Variants in DAB1 observed in about 807,000 individuals in gnomAD.
The protein encoded by DAB1 is DAB adaptor protein 1, also known as disabled homolog 1.
In DAB1, 15 loss-of-function variants were observed where a neutral mutation model predicts 64.6. The observed-to-expected ratio is 0.23, with a 90% CI of 0.16 to 0.36. The LOEUF (loss-of-function observed/expected upper bound fraction) is 0.36, where lower values mean the gene tolerates loss of function less well. Among genes scored for constraint, DAB1 ranks in the 10% least tolerant of loss-of-function variants. The probability of loss-of-function intolerance (pLI) is 1.00; values close to 1 mark genes in which losing one functional copy is unlikely to be tolerated. For synonymous variants in DAB1, 235 were observed against 251.9 expected (o/e 0.93, Z 0.64); for missense variants, 596 against 706.7 (o/e 0.84, Z 1.78).
chr1:57,161,799 T>C (rs1660779356), intron 2 of DAB1, among the ~76,000 whole-genome samples: 1 of 151,752 alleles, frequency 6.6e-6, no homozygotes, highest in African/African-American at 2.4e-5. Context: ...TTCAAGTGTA[T>C]ACTCTTCCAA....
At chr1:58,244,868 A>T (rs1312482993) in intron 4 of DAB1, among the ~76,000 whole-genome samples, 1 of 152,232 alleles carries the variant, frequency 6.6e-6, no homozygotes, top group Non-Finnish European at 1.5e-5. Flanking sequence ...ACATACAGCA[A>T]GCCCTCAATA....
At chr1:57,129,624 G>A (rs1273001639) in intron 4 of DAB1, among the ~76,000 whole-genome samples, 1 of 152,222 alleles carries the variant, frequency 6.6e-6, no homozygotes, top group African/African-American at 2.4e-5. Context: ...CCAGAGCAAT[G>A]TTCAAGTCTA....
chr1:57,474,625 T>C (rs772111561), intron 7 of DAB1, among the ~76,000 whole-genome samples: 1 of 152,166 alleles, frequency 6.6e-6, no homozygotes, highest in Non-Finnish European at 1.5e-5. Context: ...AAATATCCTA[T>C]TATCTGGGAT....
chr1:58,121,406 C>T (rs1447754374), intron 5 of DAB1, among the ~76,000 whole-genome samples: 1 of 152,078 alleles, frequency 6.6e-6, no homozygotes, highest in Non-Finnish European at 1.5e-5. Context: ...ACATTCTTCC[C>T]CCAGGCCCAA....
chr1:57,423,518 C>CGGA (rs1685094249), intron 1 of DAB1, among the ~76,000 whole-genome samples: 1 of 151,854 alleles, frequency 6.6e-6, no homozygotes, highest in Non-Finnish European at 1.5e-5. Flanking sequence ...GAGGGAGTTT[C>CGGA]GGGAGCCCAG....
intron 3 of DAB1, among the ~76,000 whole-genome samples, chr1:58,353,104 A>G (rs1356924974): frequency 2.6e-5 from 4 of 152,076 alleles, no homozygotes; most frequent in Non-Finnish European, 5.9e-5. Flanking sequence ...AGAAACCCTC[A>G]TGCCACTTTT....
chr1:57,050,365 C>T (rs1385119119), intron 9 of DAB1, among the ~76,000 whole-genome samples: 1 of 152,190 alleles, frequency 6.6e-6, no homozygotes, highest in African/African-American at 2.4e-5. Flanking sequence ...CAGTGACTTC[C>T]TAACAGCTCC....
chr1:57,179,156 C>T (rs1261318656), intron 2 of DAB1, among the ~76,000 whole-genome samples: 1 of 152,098 alleles, frequency 6.6e-6, no homozygotes, highest in Non-Finnish European at 1.5e-5. Context: ...CAAATGGGCA[C>T]ATGGGGTTTG....
At chr1:58,430,391 T>C (rs544880994) in intron 3 of DAB1, among the ~76,000 whole-genome samples, 21 of 152,250 alleles carry the variant, frequency 1.4e-4, no homozygotes, top group Admixed American at 5.9e-4. Context: ...ATGGGTTGCA[T>C]TCAGAACTAG....
In DAB1 at chr1:57,882,765, A is replaced by G. The variant is rs1202823; in HGVS notation, n.87+1234T>C. Reference sequence around the variant, plus strand: ...ATAAAACCTCACTCAGCAAACACCTATTGAGCACTATTACCAACCTAGGTG... The same window carrying G: ...ATAAAACCTCACTCAGCAAACACCTGTTGAGCACTATTACCAACCTAGGTG... On this transcript the variant is annotated intron_variant and non_coding_transcript_variant, in intron 1 of 1. Coordinates refer to the DAB1 transcript ENST00000477280. Among the ~76,000 whole-genome samples, 1,257 of 152,294 alleles carry G rather than the reference A, an allele frequency of 8.3e-3. 18 individuals carry two copies. The highest frequency in any genetic ancestry group is 0.028 in the African/African-American group (1,149 of 41,556).
chr1:57,577,133 G>A (rs955684671), intron 7 of DAB1, among the ~76,000 whole-genome samples: 1 of 152,130 alleles, frequency 6.6e-6, no homozygotes, highest in Non-Finnish European at 1.5e-5. Context: ...AGGCCATCAG[G>A]GCTTCTGATG....
At chr1:57,795,987 T>C (rs141753246) in intron 6 of DAB1, among the ~76,000 whole-genome samples, 2 of 151,848 alleles carry the variant, frequency 1.3e-5, no homozygotes, top group East Asian at 3.9e-4. Context: ...TAAAACAAGG[T>C]ATCATATATA....
intron 2 of DAB1, among the ~76,000 whole-genome samples, chr1:57,160,641 G>T (rs1424418554): frequency 6.6e-6 from 1 of 152,172 alleles, no homozygotes; most frequent in Non-Finnish European, 1.5e-5. Flanking sequence ...AGGAAAGCTG[G>T]ATCTACAGTC....
chr1:57,115,548 A>G (rs1455438004), intron 4 of DAB1, among the ~76,000 whole-genome samples: 1 of 152,210 alleles, frequency 6.6e-6, no homozygotes, highest in Non-Finnish European at 1.5e-5. Flanking sequence ...TGAGAAAGTG[A>G]GTTCTTAAAT....
At chr1:57,521,908 G>C (rs186623391) in intron 7 of DAB1, among the ~76,000 whole-genome samples, 1 of 152,044 alleles carries the variant, frequency 6.6e-6, no homozygotes, top group Non-Finnish European at 1.5e-5. Context: ...CCAGGAGTTC[G>C]AGACCATCCT....
At chr1:57,400,378 C>G (rs887346902) in intron 1 of DAB1, among the ~76,000 whole-genome samples, 1 of 152,046 alleles carries the variant, frequency 6.6e-6, no homozygotes. Context: ...GGCACATAAC[C>G]CACGTGGCTT....
At chr1:57,637,138 C>A (rs1457258127) in intron 7 of DAB1, among the ~76,000 whole-genome samples, 1 of 152,104 alleles carries the variant, frequency 6.6e-6, no homozygotes, top group Non-Finnish European at 1.5e-5. Flanking sequence ...GAGATACTTA[C>A]TATCTACTAA....
chr1:57,095,861 T>G (rs1309108128), intron 4 of DAB1, among the ~76,000 whole-genome samples: 1 of 152,238 alleles, frequency 6.6e-6, no homozygotes, highest in African/African-American at 2.4e-5. Flanking sequence ...ATATGTAATT[T>G]GTTAAATAAG....
intron 3 of DAB1, among the ~76,000 whole-genome samples, chr1:58,367,660 T>G (rs972215403): frequency 6.6e-6 from 1 of 152,134 alleles, no homozygotes; most frequent in Non-Finnish European, 1.5e-5. Context: ...AGGCATGGGT[T>G]TGCCTTCCTT....
Sources: gnomAD v4.1 joint callset for allele counts (sites outside exome capture counted in the v4.1 genomes callset) on GRCh38, gnomAD v4.1.1 for gene constraint, MANE v1.5 for transcripts, NCBI Gene and HGNC (gene_info 2026-07-23, HGNC 2026-07-21) for gene names.